MECOM: variants seen among roughly 807,000 people sequenced by gnomAD.
MECOM encodes MDS1 and EVI1 complex locus, also known as histone-lysine N-methyltransferase MECOM.
A neutral mutation model predicts 116.3 loss-of-function variants in MECOM; 13 were observed. The ratio of observed to expected loss-of-function variants is 0.11; its 90% confidence interval spans 0.07 to 0.18. MECOM has a LOEUF of 0.18. Ranked by LOEUF, MECOM falls within the 10% of genes least tolerant of loss-of-function variation. MECOM has a pLI of 1.00. For synonymous variants in MECOM, 528 were observed against 535.2 expected, an observed-to-expected ratio of 0.99 and a Z score of 0.19; for missense variants, 1,299 against 1,509.0, an observed-to-expected ratio of 0.86 and a Z score of 2.31.
intron 2 of MECOM, among the ~76,000 whole-genome samples, chr3:169,376,706 AT>A (rs771333608): frequency 1.6e-4 from 24 of 152,330 alleles, no homozygotes; most frequent in Non-Finnish European, 2.2e-4. Flanking sequence ...AAAAAATTCC[AT>A]GCTAATGGAT....
chr3:169,397,440 A>G (rs1002371762), intron 1 of MECOM, among the ~76,000 whole-genome samples: 7 of 152,212 alleles, frequency 4.6e-5, no homozygotes, highest in Non-Finnish European at 1.0e-4. Context: ...ATATGAGGGA[A>G]GTCATAAGAT....
chr3:169,462,052 A>C (rs1335268022), intron 1 of MECOM, among the ~76,000 whole-genome samples: 4 of 152,168 alleles, frequency 2.6e-5, no homozygotes, highest in Non-Finnish European at 4.4e-5. Context: ...ACTAGCGTGT[A>C]ACTGGGCTCT....
At chr3:169,359,337 A>C (rs915977310) in intron 2 of MECOM, among the ~76,000 whole-genome samples, 1 of 151,778 alleles carries the variant, frequency 6.6e-6, no homozygotes. Flanking sequence ...TTCATAACAG[A>C]TCTGTGGAGC....
intron 2 of MECOM, among the ~76,000 whole-genome samples, chr3:169,334,052 AT>A (rs758044870): frequency 4.6e-5 from 7 of 152,220 alleles, no homozygotes; most frequent in South Asian, 2.1e-4. Flanking sequence ...TTAAAAAAAA[AT>A]AAATAAAAAA....
intron 2 of MECOM, among the ~76,000 whole-genome samples, chr3:169,239,282 T>C (rs1754481586): frequency 6.6e-6 from 1 of 152,064 alleles, no homozygotes; most frequent in South Asian, 2.1e-4. Context: ...TTGTGGTTTA[T>C]TTAAATAATG....
intron 2 of MECOM, among the ~76,000 whole-genome samples, chr3:169,217,771 G>A (rs1011912283): frequency 1.8e-4 from 28 of 151,592 alleles, no homozygotes; most frequent in African/African-American, 5.6e-4. Flanking sequence ...GCAACAGAGC[G>A]AGACTCCATC....
At chr3:169,097,926 CT>C (rs1433340887) in intron 12 of MECOM, among the ~76,000 whole-genome samples, 1 of 147,350 alleles carries the variant, frequency 6.8e-6, no homozygotes, top group Non-Finnish European at 1.5e-5. Flanking sequence ...CCATGTTTAA[CT>C]TTTACTACAT....
intron 1 of MECOM, among the ~76,000 whole-genome samples, chr3:169,381,784 A>G (rs1471354184): frequency 1.3e-5 from 2 of 152,210 alleles, no homozygotes; most frequent in Non-Finnish European, 2.9e-5. Flanking sequence ...AGTTCAATTC[A>G]TTATCCATCT....
At chr3:169,449,566 A>G (rs1361131208) in intron 1 of MECOM, among the ~76,000 whole-genome samples, 3 of 152,176 alleles carry the variant, frequency 2.0e-5, no homozygotes, top group Non-Finnish European at 4.4e-5. Flanking sequence ...ACGCCTAGAG[A>G]CTTAAAGCTT....
chr3:169,266,172 A>AAACT (rs1227260896), intron 2 of MECOM, among the ~76,000 whole-genome samples: 1 of 152,216 alleles, frequency 6.6e-6, no homozygotes. Context: ...TCAAAAAAGG[A>AAACT]AACTAACCTT....
Position 169,472,518 on chromosome 3 carries a change from GAAAGA to G in MECOM, c.38-90999_38-90995del, listed in dbSNP as rs1183018878. Among the ~76,000 whole-genome samples, 118 of 70,108 alleles carry G rather than the reference GAAAGA, an allele frequency of 1.7e-3. 3 individuals are homozygous for G. Among genetic ancestry groups the G allele is most frequent in the African/African-American group, 4.8e-3 (65 of 13,432 alleles). The allele number at this position is 70,108 out of a possible 152,430, so 46.0% of individuals were successfully genotyped here. On this transcript the variant is annotated intron_variant, in intron 1 of 16. Coordinates refer to ENST00000651503, the MANE Select transcript of MECOM (RefSeq NM_004991.4). ...GAAAGGAAAGGAAAGGAAAGGAAAG[GAAAGA>G]AAAGAAAAGAAAAGGAAAGGAAAGG...
intron 2 of MECOM, among the ~76,000 whole-genome samples, chr3:169,364,529 G>A (rs1051211994): frequency 4.0e-5 from 6 of 151,872 alleles, no homozygotes; most frequent in East Asian, 1.9e-4. Context: ...AGCTTTTGAC[G>A]GCTGCATCTC....
intron 2 of MECOM, among the ~76,000 whole-genome samples, chr3:169,293,515 G>C (rs1376867239): frequency 6.6e-6 from 1 of 152,178 alleles, no homozygotes; most frequent in Non-Finnish European, 1.5e-5. Flanking sequence ...ATGGCTCACT[G>C]TTATTCCTTT....
chr3:169,313,854 C>G (rs1719249082), intron 2 of MECOM, among the ~76,000 whole-genome samples: 1 of 152,120 alleles, frequency 6.6e-6, no homozygotes, highest in African/African-American at 2.4e-5. Flanking sequence ...AGGATATAAG[C>G]AAAGAGTATT....
intron 1 of MECOM, among the ~76,000 whole-genome samples, chr3:169,449,066 C>G (rs564991390): frequency 8.5e-5 from 13 of 152,070 alleles, no homozygotes; most frequent in Non-Finnish European, 1.5e-4. Flanking sequence ...ATTTTGAAAG[C>G]AAAGCCAAAT....
intron 2 of MECOM, among the ~76,000 whole-genome samples, chr3:169,347,206 A>C (rs991976029): frequency 6.6e-6 from 1 of 152,054 alleles, no homozygotes; most frequent in Admixed American, 6.6e-5. Context: ...GAGAGATGAT[A>C]CACAATAAAA....
chr3:169,440,500 GA>G, intron 1 of MECOM, among the ~76,000 whole-genome samples: 1 of 135,180 alleles, frequency 7.4e-6, no homozygotes, highest in South Asian at 2.7e-4. Context: ...GGGATTGAAG[GA>G]AGATGGAAGC....
intron 2 of MECOM, among the ~76,000 whole-genome samples, chr3:169,283,341 A>C (rs1712548518): frequency 6.6e-6 from 1 of 152,102 alleles, no homozygotes; most frequent in African/African-American, 2.4e-5. Flanking sequence ...CATCTCTGCA[A>C]AAAATTTAAA....
chr3:169,599,341 C>A (rs1053488329), intron 1 of MECOM, among the ~76,000 whole-genome samples: 6 of 151,960 alleles, frequency 3.9e-5, no homozygotes, highest in Non-Finnish European at 7.4e-5. Flanking sequence ...TGGTGAAACC[C>A]CATCTCTACT....
Sources: gnomAD v4.1 joint callset for allele counts (sites outside exome capture counted in the v4.1 genomes callset) on GRCh38, gnomAD v4.1.1 for gene constraint, MANE v1.5 for transcripts, NCBI Gene and HGNC (gene_info 2026-07-23, HGNC 2026-07-21) for gene names.